The following ADAM23 variants were observed in gnomAD, a reference collection of about 807,000 sequenced individuals.
ADAM23 encodes the protein disintegrin and metalloproteinase domain-containing protein 23.
ADAM23 carries 33 observed loss-of-function variants against 120.1 expected under a neutral mutation model. The observed-to-expected ratio is 0.27, with a 90% confidence interval of 0.21 to 0.37. ADAM23 has a LOEUF of 0.37. Among genes scored for constraint, ADAM23 ranks in the 10% least tolerant of loss-of-function variants. ADAM23 has a pLI of 1.00. For missense variants in ADAM23, 862 were observed against 1,058.2 expected, an observed-to-expected ratio of 0.81 and a Z score of 2.57; for synonymous variants, 367 against 375.2, an observed-to-expected ratio of 0.98 and a Z score of 0.25.
intron 2 of ADAM23, among the ~76,000 whole-genome samples, chr2:206,467,562 G>A (rs1695565646): frequency 6.6e-6 from 1 of 152,232 alleles, no homozygotes; most frequent in African/African-American, 2.4e-5. Flanking sequence ...GCTTTGCAGA[G>A]TTCAGCCCCC....
intron 3 of ADAM23, among the ~76,000 whole-genome samples, chr2:206,500,186 TAGATGATCTCGTACTC>T (rs1297794105): frequency 2.0e-5 from 3 of 152,156 alleles, no homozygotes; most frequent in African/African-American, 7.2e-5. Context: ...AATATCAGTG[TAGATGATCTCGTACTC>T]ATTGTTGCAT....
chr2:206,545,795 A>G (rs1028044450), intron 6 of ADAM23, among the ~76,000 whole-genome samples: 3 of 152,214 alleles, frequency 2.0e-5, no homozygotes, highest in African/African-American at 7.2e-5. Context: ...GTGTACAGCA[A>G]AATTATTCGA....
chr2:206,608,335 T>C (rs1419328337), intron 24 of ADAM23, among the ~76,000 whole-genome samples: 2 of 152,232 alleles, frequency 1.3e-5, no homozygotes, highest in African/African-American at 2.4e-5. Context: ...CCTTGACTTA[T>C]AGGATATGTT....
chr2:206,584,702 G>C lies in ADAM23; in HGVS notation c.1738-2623G>C, dbSNP rs140713225. On this transcript the variant is annotated intron_variant, in intron 18 of 25. Transcript: ENST00000264377. ...GAAAAAAGGGCTTTAGTTCTTCCCCGGCCTGTGAAGTCTGCACACCCGATT... is the reference window on the plus strand; with the variant it reads ...GAAAAAAGGGCTTTAGTTCTTCCCCCGCCTGTGAAGTCTGCACACCCGATT... 3.9e-5 allele frequency among the ~76,000 whole-genome samples: 6 copies of C among 152,194 alleles called. No individual in the cohort carries two copies. The East Asian group carries it at 1.2e-3, about 30-fold the overall frequency.
chr2:206,616,811 G>A (rs1180875308), intron 25 of ADAM23, among the ~76,000 whole-genome samples: 1 of 152,154 alleles, frequency 6.6e-6, no homozygotes, highest in Non-Finnish European at 1.5e-5. Context: ...TGGGGAGGTT[G>A]CAACCAACTT....
chr2:206,609,995 A>T lies in ADAM23; in HGVS notation c.2445A>T (p.Gly815=). The part of the protein sequence containing the change: ...AAIVLGGTGW[G]FKNVKKRRFD... ...TTGTCCTTGGGGGCACAGGCTGGGG[A>T]TTTAAGTAAGCAACGCCGCATGTCT... Residue 815 remains glycine, a synonymous_variant, in exon 25 of 26, where the codon GGA becomes GGT. Coordinates refer to ENST00000264377, the MANE Select transcript of ADAM23 (RefSeq NM_003812.4). 6.4e-7 allele frequency: 1 copy of T among 1,571,636 alleles called. No homozygotes were observed.
intron 2 of ADAM23, among the ~76,000 whole-genome samples, chr2:206,476,271 A>G (rs1279636637): frequency 6.6e-6 from 1 of 152,204 alleles, no homozygotes; most frequent in Non-Finnish European, 1.5e-5. Flanking sequence ...TTAAATGAAT[A>G]TCTCCCTAAA....
At chr2:206,584,160 G>T (rs924486473) in intron 18 of ADAM23, among the ~76,000 whole-genome samples, 1 of 152,106 alleles carries the variant, frequency 6.6e-6, no homozygotes, top group Non-Finnish European at 1.5e-5. Context: ...GAGTCTACCC[G>T]GCTCCAGGCT....
intron 3 of ADAM23, among the ~76,000 whole-genome samples, chr2:206,521,873 G>A (rs1409972007): frequency 6.6e-6 from 1 of 152,142 alleles, no homozygotes; most frequent in East Asian, 1.9e-4. Flanking sequence ...CCCTCTGCAT[G>A]CCAGTTTTCC....
intron 3 of ADAM23, among the ~76,000 whole-genome samples, chr2:206,514,523 G>T (rs1461125861): frequency 6.6e-6 from 1 of 152,214 alleles, no homozygotes; most frequent in Non-Finnish European, 1.5e-5. Context: ...GTGGTTTCAT[G>T]AGATGGAATC....
At chr2:206,512,655 CT>C (rs1328387370) in intron 3 of ADAM23, among the ~76,000 whole-genome samples, 2 of 151,260 alleles carry the variant, frequency 1.3e-5, no homozygotes, top group South Asian at 2.1e-4. Flanking sequence ...CTGAAAAAGA[CT>C]TTTTTTTTGA....
At chr2:206,507,620 AG>A (rs1156599231) in intron 3 of ADAM23, among the ~76,000 whole-genome samples, 4 of 152,232 alleles carry the variant, frequency 2.6e-5, no homozygotes, top group African/African-American at 9.6e-5. Context: ...TAGCAATGCG[AG>A]AAAGTACTAA....
intron 9 of ADAM23, among the ~76,000 whole-genome samples, chr2:206,556,640 T>C (rs1411511760): frequency 6.6e-6 from 1 of 152,206 alleles, no homozygotes; most frequent in Admixed American, 6.5e-5. Flanking sequence ...AACGTAGCCC[T>C]CCAGATGTCA....
chr2:206,516,608 C>A (rs935106802), intron 3 of ADAM23, among the ~76,000 whole-genome samples: 1 of 151,932 alleles, frequency 6.6e-6, no homozygotes, highest in Non-Finnish European at 1.5e-5. Context: ...TTGGTCTCTT[C>A]TTAAAAAAGA....
intron 4 of ADAM23, among the ~76,000 whole-genome samples, chr2:206,533,397 G>A (rs1256057207): frequency 6.6e-6 from 1 of 152,072 alleles, no homozygotes; most frequent in African/African-American, 2.4e-5. Context: ...TAGAGACGGG[G>A]TTTCACCATG....
intron 3 of ADAM23, among the ~76,000 whole-genome samples, chr2:206,492,931 T>C (rs570586261): frequency 1.9e-3 from 282 of 152,332 alleles, no homozygotes; most frequent in Non-Finnish European, 3.1e-3. Flanking sequence ...TAAAAAACTT[T>C]ATATCATTTG....
Position 206,504,841 on chromosome 2 carries a change from G to T in ADAM23, c.509+23533G>T, listed in dbSNP as rs749843532. ...CTCCTTTACTAATAGGGACAGTATT[G>T]CCTATAGGGCTCTTATATGTGTAAG... On this transcript the variant is annotated intron_variant, in intron 3 of 25. Transcript: ENST00000264377. 1.3e-3 allele frequency among the ~76,000 whole-genome samples: 194 copies of T among 152,118 alleles called. 1 individual carries two copies. Among genetic ancestry groups the T allele is most frequent in the Non-Finnish European group, 2.2e-3 (150 of 68,024 alleles).
At chr2:206,604,622 C>T (rs914322448) in intron 24 of ADAM23, among the ~76,000 whole-genome samples, 1 of 152,082 alleles carries the variant, frequency 6.6e-6, no homozygotes, top group African/African-American at 2.4e-5. Context: ...GAATTTCTCC[C>T]TCACATTATT....
intron 3 of ADAM23, among the ~76,000 whole-genome samples, chr2:206,517,415 C>T (rs1696757340): frequency 6.6e-6 from 1 of 152,092 alleles, no homozygotes; most frequent in South Asian, 2.1e-4. Flanking sequence ...TATGGTGTGC[C>T]ATCTTGTTTT....
Sources: gnomAD v4.1 joint callset for allele counts (sites outside exome capture counted in the v4.1 genomes callset) on GRCh38, gnomAD v4.1.1 for gene constraint, MANE v1.5 for transcripts, NCBI Gene and HGNC (gene_info 2026-07-23, HGNC 2026-07-21) for gene names.